The following DEUP1 variants were observed in gnomAD, a reference collection of about 807,000 sequenced individuals.
DEUP1 encodes coiled-coil domain containing 67.
In DEUP1, 82 loss-of-function variants were observed where a neutral mutation model predicts 87.4. That is an observed-to-expected ratio of 0.94 (90% CI 0.78 to 1.13). The LOEUF (loss-of-function observed/expected upper bound fraction) is 1.13. Ranked by LOEUF, DEUP1 falls within the 50% of genes most tolerant of loss-of-function variation. The pLI, the probability that DEUP1 is intolerant of heterozygous loss-of-function variation, is 0.00. For synonymous variants in DEUP1, 214 were observed against 222.7 expected, an observed-to-expected ratio of 0.96 and a Z score of 0.35; for missense variants, 663 against 681.5, an observed-to-expected ratio of 0.97 and a Z score of 0.30.
chr11:93,360,335 A>G (rs982864374), intron 4 of DEUP1, among the ~76,000 whole-genome samples: 38 of 152,182 alleles, frequency 2.5e-4, no homozygotes, highest in Non-Finnish European at 5.0e-4. Flanking sequence ...AGGACTGCTA[A>G]AACACAATAT....
chr11:93,352,492 AC>A (rs1239744482), intron 2 of DEUP1: 1 of 655,660 alleles, frequency 1.5e-6, no homozygotes, highest in Non-Finnish European at 2.8e-6. Context: ...AACTCAATAA[AC>A]CCTCCTGGAC....
At chr11:93,399,648 T>A (rs913704745) in intron 11 of DEUP1, among the ~76,000 whole-genome samples, 1 of 151,838 alleles carries the variant, frequency 6.6e-6, no homozygotes, top group Non-Finnish European at 1.5e-5. Context: ...TAAAATATTT[T>A]CCTTTTTTCA....
intron 7 of DEUP1, among the ~76,000 whole-genome samples, chr11:93,373,594 CGTAT>C (rs1945851324): frequency 7.6e-6 from 1 of 131,442 alleles, no homozygotes; most frequent in Non-Finnish European, 1.6e-5. Flanking sequence ...TATATATATA[CGTAT>C]ATATATTTAT....
chr11:93,334,511 T>C, intron 2 of DEUP1, among the ~76,000 whole-genome samples: 1 of 152,072 alleles, frequency 6.6e-6, no homozygotes, highest in African/African-American at 2.4e-5. Context: ...TAAAGCAGGC[T>C]AAGGGTGGGA....
chr11:93,411,584 A>G (rs965286695), intron 12 of DEUP1, among the ~76,000 whole-genome samples: 7 of 152,172 alleles, frequency 4.6e-5, no homozygotes, highest in African/African-American at 9.6e-5. Flanking sequence ...TATGAGTGAG[A>G]GGTGATTGAA....
intron 11 of DEUP1, 169 bp downstream of exon 11, chr11:93,396,494 T>C (rs1240062834): frequency 1.2e-5 from 6 of 506,768 alleles, no homozygotes; most frequent in East Asian, 1.0e-4. Context: ...GGCTAGAACA[T>C]TGGAATGTCT....
chr11:93,410,436 A>G (rs1405433359), intron 12 of DEUP1, among the ~76,000 whole-genome samples: 1 of 152,196 alleles, frequency 6.6e-6, no homozygotes, highest in African/African-American at 2.4e-5. Flanking sequence ...GTGTAAGAAT[A>G]TATGTTCTAA....
chr11:93,381,013 A>G (rs1175587401), intron 7 of DEUP1, among the ~76,000 whole-genome samples: 5 of 152,232 alleles, frequency 3.3e-5, no homozygotes, highest in African/African-American at 1.2e-4. Context: ...TTCTACTCTC[A>G]GGAAAACACT....
At chr11:93,378,021 C>T (rs545083822) in intron 7 of DEUP1, among the ~76,000 whole-genome samples, 2 of 151,952 alleles carry the variant, frequency 1.3e-5, no homozygotes, top group South Asian at 2.1e-4. Context: ...GATGCTTTTG[C>T]CTCACAGCTC....
chr11:93,375,920 T>A (rs1946015416), intron 7 of DEUP1, among the ~76,000 whole-genome samples: 1 of 152,120 alleles, frequency 6.6e-6, no homozygotes, highest in African/African-American at 2.4e-5. Flanking sequence ...GGTCCTGGAC[T>A]TTTTTGTTGG....
intron 2 of DEUP1, among the ~76,000 whole-genome samples, chr11:93,351,735 A>G (rs1350317758): frequency 2.6e-5 from 4 of 152,208 alleles, no homozygotes; most frequent in African/African-American, 9.6e-5. Context: ...ACATTCCTCC[A>G]GGAATGCTAG....
intron 11 of DEUP1, among the ~76,000 whole-genome samples, chr11:93,403,867 T>C (rs939349975): frequency 6.6e-6 from 1 of 152,066 alleles, no homozygotes; most frequent in Non-Finnish European, 1.5e-5. Context: ...TAAAATTAAA[T>C]AATTGGTGCT....
At chr11:93,364,548 A>T (rs1945320245) in intron 5 of DEUP1, among the ~76,000 whole-genome samples, 1 of 152,012 alleles carries the variant, frequency 6.6e-6, no homozygotes, top group East Asian at 1.9e-4. Flanking sequence ...GAGCCAAAAA[A>T]GTCAAAAGAA....
chr11:93,347,398 C>A (rs146996180), intron 2 of DEUP1, among the ~76,000 whole-genome samples: 4 of 152,072 alleles, frequency 2.6e-5, no homozygotes, highest in Non-Finnish European at 5.9e-5. Context: ...GTTTTTGATG[C>A]GCTGCTGGAT....
chr11:93,430,728 T>G (rs1948077796), intron 13 of DEUP1, among the ~76,000 whole-genome samples: 1 of 152,192 alleles, frequency 6.6e-6, no homozygotes, highest in Non-Finnish European at 1.5e-5. Context: ...TTGAAATGGT[T>G]AATTGTATGT....
rs189182658 is a variant in DEUP1 at position 93,379,431 on chromosome 11, T to C, written c.790-5967T>C. The stretch of plus-strand genomic sequence containing the variant: ...AAATGCTGCAAACAGGGAAAGACTG[T>C]ACATTGAGGAACATTATTATAACAT... On this transcript the variant is annotated intron_variant, in intron 7 of 13. Transcript: ENST00000298050. 3.9e-4 allele frequency among the ~76,000 whole-genome samples: 60 copies of C among 152,326 alleles called. 1 individual carries two copies. The highest frequency in any genetic ancestry group is 1.4e-3 in the African/African-American group (58 of 41,584).
intron 13 of DEUP1, among the ~76,000 whole-genome samples, chr11:93,435,849 A>G (rs1948229003): frequency 6.6e-6 from 1 of 152,102 alleles, no homozygotes; most frequent in Non-Finnish European, 1.5e-5. Flanking sequence ...ACAAAAAATT[A>G]GCCGGGAGTG....
intron 2 of DEUP1, among the ~76,000 whole-genome samples, chr11:93,332,989 T>G (rs11020271): frequency 0.095 from 14,483 of 152,202 alleles, 1,494 homozygotes; most frequent in African/African-American, 0.25. Context: ...GTCACACCAC[T>G]TCAGGTGTCT....
intron 12 of DEUP1, among the ~76,000 whole-genome samples, chr11:93,413,766 T>C (rs1352026579): frequency 6.6e-6 from 1 of 152,204 alleles, no homozygotes; most frequent in Non-Finnish European, 1.5e-5. Context: ...ACAAATTCCA[T>C]GCTGTATGAC....
Sources: gnomAD v4.1 joint callset for allele counts (sites outside exome capture counted in the v4.1 genomes callset) on GRCh38, gnomAD v4.1.1 for gene constraint, MANE v1.5 for transcripts, NCBI Gene and HGNC (gene_info 2026-07-23, HGNC 2026-07-21) for gene names.